WAPL: variants seen among roughly 807,000 people sequenced by gnomAD.
WAPL encodes WAPL cohesin release factor.
WAPL carries 5 observed loss-of-function variants against 121.0 expected under a neutral mutation model. The observed-to-expected ratio is 0.04, with a 90% CI of 0.02 to 0.09. WAPL has a LOEUF of 0.09. WAPL is among the 10% of genes least tolerant of loss of function. The pLI, the probability that WAPL is intolerant of heterozygous loss-of-function variation, is 1.00. For missense variants in WAPL, 999 were observed against 1,410.8 expected (o/e 0.71, Z 4.68); for synonymous variants, 480 against 481.5 (o/e 1.00, Z 0.04).
Position 86,472,886 on chromosome 10 carries a change from A to C in WAPL, c.1741-122T>G. The C allele has an allele frequency of 6.7e-6, 7 of 1,038,108 alleles. No homozygotes were observed. Among genetic ancestry groups the C allele is most frequent in the Non-Finnish European group, 9.3e-6 (7 of 749,532 alleles). The allele number at this position is 1,038,108 out of a possible 1,614,324, so 64.3% of individuals were successfully genotyped here. On this transcript the variant is annotated intron_variant, in intron 5 of 18. Coordinates refer to ENST00000298767, the MANE Select transcript of WAPL (RefSeq NM_015045.5). The surrounding 1 kb of genome is among the most constrained non-coding windows in gnomAD (Gnocchi z 4.2). ...TAAAGCTTTTTAAAAAGCAGGGAGC[A>C]GGGAGGCCTCTCAAAGGTCTTTAGA... is the stretch of plus-strand genomic sequence containing the variant.
At chr10:86,438,038 A>T (rs776085284) in intron 17 of WAPL, 23 bp from the exon 18 acceptor site, 40 of 1,574,688 alleles carry the variant, frequency 2.5e-5, no homozygotes, top group Middle Eastern at 1.7e-4. Flanking sequence ...AGCAAGAAAT[A>T]TTGGTCAGCT....
intron 9 of WAPL, among the ~76,000 whole-genome samples, chr10:86,463,860 C>A (rs1841341081): frequency 6.6e-6 from 1 of 152,328 alleles, no homozygotes; most frequent in Admixed American, 6.5e-5. Context: ...TGTGTTCCAA[C>A]TGCCTTCAGT....
intron 12 of WAPL, among the ~76,000 whole-genome samples, chr10:86,457,185 A>G (rs12269522): frequency 0.019 from 2,828 of 152,286 alleles, 94 homozygotes; most frequent in African/African-American, 0.064. Flanking sequence ...ACCAGAATGC[A>G]TGCGGTAAGA....
chr10:86,456,902 A>AT (rs1841160283), intron 12 of WAPL, among the ~76,000 whole-genome samples: 1 of 152,198 alleles, frequency 6.6e-6, no homozygotes, highest in Admixed American at 6.5e-5. Flanking sequence ...AAACCTAGAG[A>AT]TAAGTGCTCT....
At position 86,453,447 on chromosome 10, in the gene WAPL, T is replaced by C. The variant is rs1245016362; in HGVS notation, c.2834-112A>G. On this transcript the variant is annotated intron_variant, in intron 13 of 18. Coordinates refer to ENST00000298767, the MANE Select transcript of WAPL (RefSeq NM_015045.5). ...TTAGAATTGTATAGTCATTCCTCTA[T>C]TGAAACATACTATTGATACTTCTGG... The C allele has an allele frequency of 3.2e-6, 4 of 1,258,858 alleles. No individual in the cohort carries two copies. The East Asian group carries it at 7.3e-5, about 23-fold the overall frequency. 78.0% of individuals were successfully genotyped at this position (1,258,858 alleles called of 1,614,324 possible). A position where few individuals can be genotyped will look rare whatever the true frequency, so the allele number is the denominator to read the frequency against.
intron 16 of WAPL, among the ~76,000 whole-genome samples, chr10:86,444,704 T>C (rs1001517279): frequency 2.6e-5 from 4 of 151,864 alleles, no homozygotes; most frequent in African/African-American, 7.3e-5. Flanking sequence ...CTAATGGGTA[T>C]TGGGTTCCTT....
At chr10:86,458,957 G>A (rs775707540) in intron 12 of WAPL, 32 bp downstream of exon 12, 4 of 1,494,030 alleles carry the variant, frequency 2.7e-6, no homozygotes. Flanking sequence ...AAGTAACAAT[G>A]TTAGTTGTTA....
intron 4 of WAPL, 113 bp from the exon 5 acceptor site, chr10:86,474,086 T>C: frequency 1.2e-6 from 1 of 810,850 alleles, no homozygotes; most frequent in East Asian, 2.6e-5. Flanking sequence ...GCAGGATGGA[T>C]ACTATCTGGG....
chr10:86,484,266 T>G (rs1841876275), intron 4 of WAPL, among the ~76,000 whole-genome samples: 1 of 152,110 alleles, frequency 6.6e-6, no homozygotes, highest in African/African-American at 2.4e-5. Context: ...GAGGCCAAGC[T>G]GGGAGGATTG....
intron 4 of WAPL, among the ~76,000 whole-genome samples, chr10:86,491,955 AT>A (rs1385677348): frequency 6.6e-6 from 1 of 152,168 alleles, no homozygotes; most frequent in Non-Finnish European, 1.5e-5. Flanking sequence ...TGTACATCAG[AT>A]AGCTACATTT....
chr10:86,497,985 C>T (rs576906447), intron 3 of WAPL, among the ~76,000 whole-genome samples: 1 of 152,278 alleles, frequency 6.6e-6, no homozygotes, highest in South Asian at 2.1e-4. Flanking sequence ...TATCCCAATG[C>T]TTAAAATTTT....
At chr10:86,439,613 A>C (rs117404752) in intron 17 of WAPL, among the ~76,000 whole-genome samples, 154 of 152,340 alleles carry the variant, frequency 1.0e-3, no homozygotes, top group Admixed American at 2.1e-3. Context: ...AAAAATTTTA[A>C]AAGTGTCCAG....
At position 86,453,688 on chromosome 10, in the gene WAPL, A is replaced by T. The variant is rs1841058677; in HGVS notation, c.2801T>A (p.Ile934Asn). 1 of 1,608,192 alleles carries T rather than the reference A, an allele frequency of 6.2e-7. No homozygotes were observed. Among genetic ancestry groups the T allele is most frequent in the Non-Finnish European group, 8.5e-7 (1 of 1,178,798 alleles). Residue 934 changes from isoleucine (I) to asparagine (N), a missense_variant, in exon 13 of 19, where the codon ATC becomes AAC. This residue lies in a region of WAPL where 85 missense variants were observed against 133.5 expected (regional missense o/e 0.64). Transcript: ENST00000298767. ...ATTAGTTAAATTAAGCAACACCCCG[A>T]TGATGGCCCTCATGCAGTCCTCCAC... ...KAVEDCMRAI[I>N]GVLLNLTNDN...
rs910092389 is a variant in WAPL at position 86,446,565 on chromosome 10, T to G, written c.3115-116A>C. ...TATCACTAACTCTAAGATGGTTATG[T>G]GATAAAAAGAGGTGAGTATAAGTAA... On this transcript the variant is annotated intron_variant, in intron 15 of 18. Coordinates refer to ENST00000298767, the MANE Select transcript of WAPL (RefSeq NM_015045.5). The G allele has an allele frequency of 4.3e-6, 5 of 1,176,060 alleles. No individual in the cohort carries two copies. In the East Asian group the frequency reaches 1.3e-4, roughly 30 times the overall value. The allele number at this position is 1,176,060 out of a possible 1,614,324, so 72.9% of individuals were successfully genotyped here.
chr10:86,467,315 A>C lies in WAPL; in HGVS notation c.2334T>G (p.Thr778=). The C allele has an allele frequency of 6.2e-7, 1 of 1,614,112 alleles. No homozygotes were observed. Among genetic ancestry groups the C allele is most frequent in the Non-Finnish European group, 8.5e-7 (1 of 1,180,022 alleles). The change falls in exon 9 of 19, where the codon ACT becomes ACG. Residue 778 remains threonine (T), a synonymous_variant. Coordinates refer to ENST00000298767, the MANE Select transcript of WAPL (RefSeq NM_015045.5). ...CTAGATCAAGATGCTTGTTGTGTACAGTTTCACAGAGCCTTCGGATTTTTT... is the reference window on the plus strand; with the variant it reads ...CTAGATCAAGATGCTTGTTGTGTACCGTTTCACAGAGCCTTCGGATTTTTT... ...IKEKIRRLCE[T]VHNKHLDLEN... is the part of the protein sequence containing the mutation.
In WAPL at chr10:86,469,253, T is replaced by TAAAA. The variant is rs1564571371; in HGVS notation, c.2142+1738_2142+1739insTTTT. Among the ~76,000 whole-genome samples, 7 of 135,994 alleles carry TAAAA rather than the reference T, an allele frequency of 5.1e-5. 1 individual carries two copies. Among genetic ancestry groups the TAAAA allele is most frequent in the African/African-American group, 1.2e-4 (4 of 33,814 alleles). The allele number at this position is 135,994 out of a possible 152,430, so 89.2% of individuals were successfully genotyped here. A position where few individuals can be genotyped will look rare whatever the true frequency, so the allele number is the denominator to read the frequency against. The stretch of plus-strand genomic sequence containing the variant: ...TGGTTGAACCAAATAATTTTTTTTT[T>TAAAA]TTTTTTTTTTTTTTTTTGAGACGGA... On this transcript the variant is annotated intron_variant, in intron 8 of 18. Coordinates refer to ENST00000298767, the MANE Select transcript of WAPL (RefSeq NM_015045.5).
chr10:86,497,349 A>G, intron 3 of WAPL, 30 bp from the exon 4 acceptor site: 1 of 1,508,790 alleles, frequency 6.6e-7, no homozygotes, highest in Non-Finnish European at 9.1e-7. Context: ...TATCTAGCTT[A>G]CTAATATTTC....
In WAPL at chr10:86,443,258, C is replaced by G; in HGVS notation, c.3411+17G>C. 2 of 1,580,902 alleles carry G rather than the reference C, an allele frequency of 1.3e-6. No individual in the cohort carries two copies. The highest frequency in any genetic ancestry group is 1.7e-6 in the Non-Finnish European group (2 of 1,150,642). On this transcript the variant is annotated intron_variant, in intron 17 of 18. Transcript: ENST00000298767. ...TCTTTCAAAGATACATAAAACATCACTGAACTATGTACTTACTGGACTTTC... is the reference window on the plus strand; with the variant it reads ...TCTTTCAAAGATACATAAAACATCAGTGAACTATGTACTTACTGGACTTTC...
intron 4 of WAPL, among the ~76,000 whole-genome samples, chr10:86,496,925 G>C (rs1842161244): frequency 6.6e-6 from 1 of 152,140 alleles, no homozygotes; most frequent in Non-Finnish European, 1.5e-5. Flanking sequence ...CAGAGTTTTT[G>C]TTGGATATGA....
Sources: allele counts gnomAD v4.1 joint callset (sites outside exome capture counted in the v4.1 genomes callset), GRCh38; gene constraint gnomAD v4.1.1; regional missense constraint gnomAD v4.1.1; non-coding constraint Gnocchi (gnomAD v3.1); transcripts MANE v1.5; gene names NCBI Gene and HGNC (gene_info 2026-07-23, HGNC 2026-07-21).